ACYP2: variants seen among roughly 807,000 people sequenced by gnomAD.
The protein encoded by ACYP2 is acylphosphatase 2.
Under a neutral mutation model 11.2 loss-of-function variants are expected in ACYP2, and 12 were observed. The observed-to-expected ratio is 1.08, with a 90% CI of 0.69 to 1.74. The LOEUF (loss-of-function observed/expected upper bound fraction) is 1.74, where lower values mean the gene tolerates loss of function less well. Among genes scored for constraint, ACYP2 ranks in the 40% most tolerant of loss-of-function variants. The probability of loss-of-function intolerance (pLI) is 0.00; values close to 1 mark genes in which losing one functional copy is unlikely to be tolerated. For synonymous variants in ACYP2, 43 were observed against 32.2 expected, an observed-to-expected ratio of 1.33 and a Z score of -1.13; for missense variants, 134 against 101.9, an observed-to-expected ratio of 1.31 and a Z score of -1.35.
At chr2:54,177,901 CTTTAT>C (rs368994343) in intron 6 of ACYP2, among the ~76,000 whole-genome samples, 29,838 of 123,640 alleles carry the variant, frequency 0.24, 3,727 homozygotes, top group South Asian at 0.4. Context: ...TTCTTTCTTT[CTTTAT>C]TTTTTTTTTT....
At chr2:54,273,413 A>G (rs1268789617) in intron 6 of ACYP2, among the ~76,000 whole-genome samples, 3 of 152,202 alleles carry the variant, frequency 2.0e-5, no homozygotes, top group Non-Finnish European at 4.4e-5. Flanking sequence ...TTTTGTAATT[A>G]TGGTTTTTAA....
intron 2 of ACYP2, among the ~76,000 whole-genome samples, chr2:54,001,025 T>C (rs1042445064): frequency 1.1e-4 from 16 of 152,204 alleles, no homozygotes; most frequent in African/African-American, 3.1e-4. Context: ...CCCAAACTAG[T>C]AGGATCAAAA....
rs372445816 is a variant in ACYP2 at position 54,275,885 on chromosome 2, T to TCAAA, written c.405-28802_405-28799dup. ...GAATTTCTAATTAGTTAATATTTAG[T>TCAAA]CAAAGTGCAACATTAAGCGTATCCC... On this transcript the variant is annotated intron_variant, in intron 6 of 6. Coordinates refer to ENST00000607452, the MANE Select transcript of ACYP2 (RefSeq NM_001320586.2). Among the ~76,000 whole-genome samples, 911 of 152,288 alleles carry TCAAA rather than the reference T, an allele frequency of 6.0e-3. 10 individuals carry two copies. The highest frequency in any genetic ancestry group is 0.021 in the African/African-American group (864 of 41,572).
At chr2:54,192,693 A>G (rs1026711102) in intron 6 of ACYP2, among the ~76,000 whole-genome samples, 3 of 152,220 alleles carry the variant, frequency 2.0e-5, no homozygotes, top group Admixed American at 1.3e-4. Flanking sequence ...TCACACTGCT[A>G]TAAAGAACTG....
chr2:53,980,793 C>G (rs1671716059), intron 2 of ACYP2, among the ~76,000 whole-genome samples: 1 of 151,718 alleles, frequency 6.6e-6, no homozygotes, highest in East Asian at 1.9e-4. Flanking sequence ...ACTCTGTTGC[C>G]CAGGTTGGAG....
intron 4 of ACYP2, among the ~76,000 whole-genome samples, chr2:54,088,314 G>A (rs896412225): frequency 2.6e-5 from 4 of 152,186 alleles, no homozygotes; most frequent in African/African-American, 9.7e-5. Context: ...AGGAGTGGAG[G>A]GACCTCAGCT....
intron 2 of ACYP2, among the ~76,000 whole-genome samples, chr2:54,012,280 A>G (rs542141015): frequency 6.6e-6 from 1 of 151,838 alleles, no homozygotes; most frequent in Non-Finnish European, 1.5e-5. Context: ...GGTGGCTCAC[A>G]CGATCACTTA....
At chr2:54,197,399 C>T (rs1320193280) in intron 6 of ACYP2, among the ~76,000 whole-genome samples, 3 of 152,182 alleles carry the variant, frequency 2.0e-5, no homozygotes, top group East Asian at 3.8e-4. Flanking sequence ...GGGCATGAAC[C>T]CCCTTTCCCT....
chr2:54,228,658 T>C (rs1178967300), intron 6 of ACYP2, among the ~76,000 whole-genome samples: 4 of 151,692 alleles, frequency 2.6e-5, no homozygotes, highest in African/African-American at 9.7e-5. Context: ...CTAAATTGTT[T>C]AGGAAGTGAC....
chr2:54,288,224 T>C (rs1689160224), intron 6 of ACYP2, among the ~76,000 whole-genome samples: 1 of 152,000 alleles, frequency 6.6e-6, no homozygotes, highest in Admixed American at 6.5e-5. Context: ...GCTTTCCCTT[T>C]TCTTTACCCT....
chr2:54,059,806 A>G (rs1340149079), intron 4 of ACYP2, among the ~76,000 whole-genome samples: 1 of 152,208 alleles, frequency 6.6e-6, no homozygotes, highest in African/African-American at 2.4e-5. Flanking sequence ...TTACCTGCAC[A>G]GTTGTTTGTT....
chr2:54,051,724 A>C, intron 3 of ACYP2: 1 of 580,290 alleles, frequency 1.7e-6, no homozygotes, highest in Middle Eastern at 4.8e-4. Context: ...AAAAAAAGGA[A>C]TCATCAAGGC....
intron 2 of ACYP2, among the ~76,000 whole-genome samples, chr2:54,019,476 A>C (rs529540520): frequency 6.6e-6 from 1 of 151,842 alleles, no homozygotes; most frequent in Non-Finnish European, 1.5e-5. Flanking sequence ...TCCTGGGCTC[A>C]AGCAATCCTC....
intron 4 of ACYP2, among the ~76,000 whole-genome samples, chr2:54,069,611 A>G (rs1033598236): frequency 3.3e-5 from 5 of 152,128 alleles, no homozygotes; most frequent in African/African-American, 9.7e-5. Flanking sequence ...GCAGTGAGCC[A>G]AGATTGCGCC....
intron 6 of ACYP2, among the ~76,000 whole-genome samples, chr2:54,296,399 C>T (rs1450714544): frequency 1.3e-5 from 2 of 152,160 alleles, no homozygotes; most frequent in Non-Finnish European, 1.5e-5. Flanking sequence ...TTGGTGACTT[C>T]TTGTATAGGA....
chr2:54,018,639 C>T (rs879528612), intron 2 of ACYP2, among the ~76,000 whole-genome samples: 1 of 152,042 alleles, frequency 6.6e-6, no homozygotes, highest in Non-Finnish European at 1.5e-5. Context: ...ATAGCGGGAC[C>T]CCTTCTTTAC....
chr2:54,160,699 G>A (rs1279268157), intron 6 of ACYP2, among the ~76,000 whole-genome samples: 2 of 152,200 alleles, frequency 1.3e-5, no homozygotes, highest in Non-Finnish European at 2.9e-5. Flanking sequence ...TGGAACATAG[G>A]CAGATGACAG....
At chr2:54,245,093 C>CA (rs1553398866) in intron 6 of ACYP2, among the ~76,000 whole-genome samples, 6 of 151,144 alleles carry the variant, frequency 4.0e-5, no homozygotes, top group Admixed American at 4.0e-4. Context: ...AAGAGATTGG[C>CA]TTTTTTTTTA....
At chr2:54,174,236 G>C (rs1470642879) in intron 6 of ACYP2, among the ~76,000 whole-genome samples, 1 of 152,188 alleles carries the variant, frequency 6.6e-6, no homozygotes, top group Non-Finnish European at 1.5e-5. Flanking sequence ...TCTCCTTGAA[G>C]AGGTCCTTCA....
Sources: gnomAD v4.1 joint callset for allele counts (sites outside exome capture counted in the v4.1 genomes callset) on GRCh38, gnomAD v4.1.1 for gene constraint, MANE v1.5 for transcripts, NCBI Gene and HGNC (gene_info 2026-07-23, HGNC 2026-07-21) for gene names.